The following GALNT13 variants were observed in gnomAD, a reference collection of about 807,000 sequenced individuals.
The protein encoded by GALNT13 is UDP-GalNAc:polypeptide N-acetylgalactosaminyltransferase 13.
Under a neutral mutation model 64.2 loss-of-function variants are expected in GALNT13, and 28 were observed. The ratio of observed to expected loss-of-function variants is 0.44; its 90% CI spans 0.32 to 0.60. The LOEUF is 0.60. GALNT13 is among the 20% of genes least tolerant of loss of function. The pLI is 0.05. For missense variants in GALNT13, 577 were observed against 669.8 expected (o/e 0.86, Z 1.53); for synonymous variants, 214 against 224.6 (o/e 0.95, Z 0.42).
At chr2:153,440,813 T>G in the GALNT13 span, among the ~76,000 whole-genome samples, 2 of 152,086 alleles carry the variant, frequency 1.3e-5, no homozygotes, top group Non-Finnish European at 2.9e-5. Context: ...TTTTTTTTCT[T>G]TTGAATTTAA....
chr2:154,094,451 A>G (rs1387293679), intron 3 of GALNT13, among the ~76,000 whole-genome samples: 3 of 152,034 alleles, frequency 2.0e-5, no homozygotes, highest in East Asian at 1.9e-4. Context: ...TATAAAATAA[A>G]TAAGAATTAT....
At chr2:154,000,180 T>A (rs544533597) in intron 3 of GALNT13, among the ~76,000 whole-genome samples, 229 of 151,830 alleles carry the variant, frequency 1.5e-3, no homozygotes, top group Non-Finnish European at 2.8e-3. Flanking sequence ...ACCTTCTTTT[T>A]CATCTCTGAT....
intron 4 of GALNT13, among the ~76,000 whole-genome samples, chr2:154,237,738 G>A (rs1475206127): frequency 6.6e-6 from 1 of 151,574 alleles, no homozygotes; most frequent in Non-Finnish European, 1.5e-5. Flanking sequence ...GGTCACAGCT[G>A]TTCATATAGC....
At chr2:153,843,342 T>A in the GALNT13 span, among the ~76,000 whole-genome samples, 1 of 152,148 alleles carries the variant, frequency 6.6e-6, no homozygotes, top group Non-Finnish European at 1.5e-5. Context: ...GCCACACACT[T>A]TTAAATGACC....
intron 10 of GALNT13, among the ~76,000 whole-genome samples, chr2:154,397,762 A>G (rs530962094): frequency 1.3e-5 from 2 of 152,184 alleles, no homozygotes; most frequent in Non-Finnish European, 2.9e-5. Context: ...CCATGTAAAT[A>G]TCTCTCTATA....
intron 1 of GALNT13, among the ~76,000 whole-genome samples, chr2:153,882,631 C>CTT (rs113940624): frequency 1.4e-5 from 2 of 143,556 alleles, no homozygotes; most frequent in Non-Finnish European, 3.1e-5. Context: ...ATATTCTTTA[C>CTT]TTTTTTTTTT....
chr2:154,111,729 T>C (rs774350196), intron 3 of GALNT13, among the ~76,000 whole-genome samples: 1 of 152,164 alleles, frequency 6.6e-6, no homozygotes, highest in East Asian at 1.9e-4. Flanking sequence ...GCACCATATA[T>C]TGGACGCTGA....
the GALNT13 span, among the ~76,000 whole-genome samples, chr2:153,151,020 T>A: frequency 6.6e-6 from 1 of 152,082 alleles, no homozygotes; most frequent in Non-Finnish European, 1.5e-5. Flanking sequence ...CATTGGTAGC[T>A]TGATGGGGAT....
intron 3 of GALNT13, among the ~76,000 whole-genome samples, chr2:154,110,292 T>G (rs1472960921): frequency 0.031 from 121 of 3,902 alleles, 5 homozygotes; most frequent in East Asian, 0.16. Flanking sequence ...TATATATATA[T>G]ATATATATAT....
the GALNT13 span, among the ~76,000 whole-genome samples, chr2:153,660,084 G>A: frequency 1.3e-5 from 2 of 152,114 alleles, no homozygotes; most frequent in Non-Finnish European, 2.9e-5. Flanking sequence ...AGACAGATAA[G>A]CAAGAATGAT....
the GALNT13 span, among the ~76,000 whole-genome samples, chr2:153,823,926 AC>A: frequency 6.6e-6 from 1 of 152,150 alleles, no homozygotes; most frequent in South Asian, 2.1e-4. Context: ...ACCAACAAAA[AC>A]CAAATAACCC....
chr2:153,895,308 T>C (rs534105884), intron 1 of GALNT13, among the ~76,000 whole-genome samples: 1 of 152,298 alleles, frequency 6.6e-6, no homozygotes, highest in South Asian at 2.1e-4. Context: ...TATCCTGTAA[T>C]GACCATTTTT....
the GALNT13 span, among the ~76,000 whole-genome samples, chr2:153,782,326 A>G: frequency 6.6e-6 from 1 of 152,216 alleles, no homozygotes; most frequent in African/African-American, 2.4e-5. Context: ...GCTAGATGAT[A>G]TAGCCTACTA....
At chr2:153,159,780 G>A in the GALNT13 span, 1 of 152,234 alleles carries the variant, frequency 6.6e-6, no homozygotes, top group Non-Finnish European at 1.5e-5. Context: ...CCCTTGACCT[G>A]CTAAATGGAA....
the GALNT13 span, among the ~76,000 whole-genome samples, chr2:153,272,773 C>T: frequency 6.6e-6 from 1 of 152,086 alleles, no homozygotes; most frequent in Admixed American, 6.5e-5. Flanking sequence ...TGGGTATATA[C>T]CTAAAGGATT....
the GALNT13 span, among the ~76,000 whole-genome samples, chr2:153,356,028 A>G: frequency 6.6e-6 from 1 of 152,178 alleles, no homozygotes; most frequent in African/African-American, 2.4e-5. Context: ...GTCTCTAAGT[A>G]TTTCACAGAA....
At chr2:154,371,422 A>G (rs1224924950) in intron 9 of GALNT13, among the ~76,000 whole-genome samples, 1 of 151,326 alleles carries the variant, frequency 6.6e-6, no homozygotes, top group East Asian at 1.9e-4. Flanking sequence ...TGTGTGTGAC[A>G]GCAGAGGGGT....
chr2:154,301,096 T>G (rs975403215), intron 8 of GALNT13, among the ~76,000 whole-genome samples: 1 of 152,182 alleles, frequency 6.6e-6, no homozygotes, highest in African/African-American at 2.4e-5. Flanking sequence ...GATTCATTAA[T>G]AGCAGATTTG....
At chr2:153,601,587 C>G in the GALNT13 span, among the ~76,000 whole-genome samples, 1 of 151,368 alleles carries the variant, frequency 6.6e-6, no homozygotes, top group Non-Finnish European at 1.5e-5. Flanking sequence ...AGGGCAAACT[C>G]TTTTCATTTC....
Sources: gnomAD v4.1 joint callset for allele counts (sites outside exome capture counted in the v4.1 genomes callset) on GRCh38, gnomAD v4.1.1 for gene constraint, MANE v1.5 for transcripts, NCBI Gene and HGNC (gene_info 2026-07-23, HGNC 2026-07-21) for gene names.